CNTNAP3B: variants seen among roughly 807,000 people sequenced by gnomAD.
CNTNAP3B encodes the protein contactin associated protein family member 3B.
Under a neutral mutation model 108.9 loss-of-function variants are expected in CNTNAP3B, and 25 were observed. The observed-to-expected ratio is 0.23, with a 90% CI of 0.17 to 0.32. CNTNAP3B has a LOEUF of 0.32. Among genes scored for constraint, CNTNAP3B ranks in the 10% least tolerant of loss-of-function variants. CNTNAP3B has a pLI of 1.00. For synonymous variants in CNTNAP3B, 103 were observed against 473.4 expected (o/e 0.22, Z 10.16); for missense variants, 252 against 1,210.4 (o/e 0.21, Z 11.75).
intron 1 of CNTNAP3B, among the ~76,000 whole-genome samples, chr9:42,121,184 T>C (rs1828454645): frequency 7.3e-6 from 1 of 137,850 alleles, no homozygotes; most frequent in Non-Finnish European, 1.5e-5. Context: ...GGCACAGCTG[T>C]GAAACACATT....
Position 42,125,492 on chromosome 9 carries a change from A to G in CNTNAP3B, c.85+3518T>C, listed in dbSNP as rs149027068. On this transcript the variant is annotated intron_variant, in intron 1 of 23. Coordinates refer to ENST00000377561, the MANE Select transcript of CNTNAP3B (RefSeq NM_001201380.3). ...GAATGACCTTGGACTGAATTGTTCA[A>G]AAAGAGAAGGGGAAAGGAAGAGGAA... Among the ~76,000 whole-genome samples the G allele has an allele frequency of 1.5e-3, 206 of 140,998 alleles. 22 individuals are homozygous for G. The highest frequency in any genetic ancestry group is 0.011 in the East Asian group (49 of 4,654). The allele number at this position is 140,998 out of a possible 152,430, so 92.5% of individuals were successfully genotyped here.
At chr9:41,955,419 G>A (rs1352416151) in intron 12 of CNTNAP3B, among the ~76,000 whole-genome samples, 1 of 152,290 alleles carries the variant, frequency 6.6e-6, no homozygotes, top group African/African-American at 2.4e-5. Flanking sequence ...ACCCAAAGAA[G>A]GACACAGACC....
chr9:41,933,214 T>A (rs1824034736), intron 14 of CNTNAP3B, among the ~76,000 whole-genome samples: 1 of 151,920 alleles, frequency 6.6e-6, no homozygotes, highest in South Asian at 2.1e-4. Flanking sequence ...TTGGGCTAAT[T>A]TTTTTTTGTC....
chr9:41,928,656 A>C (rs1240511230), intron 15 of CNTNAP3B, among the ~76,000 whole-genome samples: 3 of 152,250 alleles, frequency 2.0e-5, no homozygotes, highest in Admixed American at 2.0e-4. Flanking sequence ...GGAAATAAAA[A>C]TACATTTAGT....
In CNTNAP3B at chr9:41,945,539, T is replaced by G. The variant is rs1824507542; in HGVS notation, c.2081-7139A>C. ...GGACAAAAAACCAAACACTGCATGTTCTCACTCATAGGTGGGAATTGAACA... is the reference window on the plus strand; with the variant it reads ...GGACAAAAAACCAAACACTGCATGTGCTCACTCATAGGTGGGAATTGAACA... On this transcript the variant is annotated intron_variant, in intron 13 of 23. Transcript: ENST00000377561. Among the ~76,000 whole-genome samples the G allele has an allele frequency of 3.3e-5, 5 of 152,428 alleles. No homozygotes were observed. The South Asian group carries it at 1.0e-3, about 32-fold the overall frequency.
chr9:42,057,540 T>C lies in CNTNAP3B; in HGVS notation c.390+19329A>G, dbSNP rs546763998. On this transcript the variant is annotated intron_variant, in intron 3 of 23. Transcript: ENST00000377561. The stretch of plus-strand genomic sequence containing the variant: ...TTTCTAATTGGTAAGACTAACTCCT[T>C]TTTCAATTTCTTGTTGCCAGTTGTA... Among the ~76,000 whole-genome samples the C allele has an allele frequency of 5.7e-3, 722 of 125,952 alleles. 148 individuals carry two copies. Among genetic ancestry groups the C allele is most frequent in the African/African-American group, 0.023 (700 of 30,714 alleles). The allele number at this position is 125,952 out of a possible 152,430, so 82.6% of individuals were successfully genotyped here.
chr9:42,091,967 A>AC (rs1226469280), intron 2 of CNTNAP3B, among the ~76,000 whole-genome samples: 1 of 120,498 alleles, frequency 8.3e-6, no homozygotes, highest in Non-Finnish European at 1.7e-5. Flanking sequence ...AAAAAATCTG[A>AC]CTTTTTTCTG....
At chr9:42,113,126 C>G (rs1463278575) in intron 1 of CNTNAP3B, among the ~76,000 whole-genome samples, 1 of 135,516 alleles carries the variant, frequency 7.4e-6, no homozygotes, top group Non-Finnish European at 1.6e-5. Context: ...AATATAAGAA[C>G]TATTTAAACA....
chr9:41,937,275 C>T (rs1349033442), intron 14 of CNTNAP3B, among the ~76,000 whole-genome samples: 4 of 151,738 alleles, frequency 2.6e-5, no homozygotes, highest in Non-Finnish European at 5.9e-5. Context: ...TACAGGCACA[C>T]ACAGCCACAC....
chr9:41,972,979 C>A (rs1459495141), intron 9 of CNTNAP3B, among the ~76,000 whole-genome samples: 1 of 106,736 alleles, frequency 9.4e-6, no homozygotes, highest in African/African-American at 3.6e-5. Context: ...ATGCTGTCAC[C>A]CAGGCTGCAG....
At chr9:41,924,669 ACACACACACAC>A in intron 15 of CNTNAP3B, among the ~76,000 whole-genome samples, 1 of 151,176 alleles carries the variant, frequency 6.6e-6, no homozygotes, top group Non-Finnish European at 1.5e-5. Flanking sequence ...ACACACACAC[ACACACACACAC>A]ACACACACAC....
intron 18 of CNTNAP3B, among the ~76,000 whole-genome samples, chr9:41,917,058 T>C (rs1217882280): frequency 2.6e-5 from 4 of 152,290 alleles, no homozygotes; most frequent in African/African-American, 4.8e-5. Context: ...AGCTTCTGTA[T>C]CTTAGATTAA....
In CNTNAP3B at chr9:42,127,893, A is replaced by T. The variant is rs1298114624; in HGVS notation, c.85+1117T>A. On this transcript the variant is annotated intron_variant, in intron 1 of 23. Coordinates refer to ENST00000377561, the MANE Select transcript of CNTNAP3B (RefSeq NM_001201380.3). ...TGAGCTACGGCAAACTTTTCATGAC[A>T]GCTTAGGAAAACTGCTGAAAGCTAC... Among the ~76,000 whole-genome samples the T allele has an allele frequency of 3.4e-4, 48 of 139,592 alleles. 14 individuals carry two copies. Among genetic ancestry groups the T allele is most frequent in the African/African-American group, 1.3e-3 (44 of 35,082 alleles). 91.6% of individuals were successfully genotyped at this position (139,592 alleles called of 152,430 possible).
intron 11 of CNTNAP3B, among the ~76,000 whole-genome samples, chr9:41,961,114 A>G (rs2118205451): frequency 6.6e-6 from 1 of 152,428 alleles, no homozygotes; most frequent in South Asian, 2.1e-4. Flanking sequence ...TAGTCAAAAT[A>G]CATTCAAATG....
At chr9:41,956,131 A>G (rs1256648912) in intron 12 of CNTNAP3B, among the ~76,000 whole-genome samples, 2 of 152,262 alleles carry the variant, frequency 1.3e-5, no homozygotes, top group Non-Finnish European at 2.9e-5. Flanking sequence ...TCACGCCTGT[A>G]ATCCCAGCAC....
At chr9:42,071,222 A>T (rs1827371721) in intron 3 of CNTNAP3B, among the ~76,000 whole-genome samples, 1 of 146,174 alleles carries the variant, frequency 6.8e-6, no homozygotes, top group South Asian at 2.1e-4. Context: ...GGGCAGTGGG[A>T]GCTGTGTACG....
At position 41,945,208 on chromosome 9, in the gene CNTNAP3B, C is replaced by T. The variant is rs1182702866; in HGVS notation, c.2081-6808G>A. Among the ~76,000 whole-genome samples the T allele has an allele frequency of 8.8e-4, 134 of 152,006 alleles. No homozygotes were observed. In the South Asian group the frequency reaches 0.018, roughly 20 times the overall value. On this transcript the variant is annotated intron_variant, in intron 13 of 23. Transcript: ENST00000377561. ...TCAACCATTGTGGAAGACAGTGTTG[C>T]GATTCCTCATGGATCTAGAACTAGA...
intron 1 of CNTNAP3B, among the ~76,000 whole-genome samples, chr9:42,128,585 CTG>C (rs1828621045): frequency 7.6e-6 from 1 of 130,966 alleles, no homozygotes; most frequent in African/African-American, 3.2e-5. Flanking sequence ...GTCGGCAAAA[CTG>C]TAAGCTGCTA....
chr9:42,125,354 C>T (rs1388660776), intron 1 of CNTNAP3B, among the ~76,000 whole-genome samples: 1 of 141,270 alleles, frequency 7.1e-6, no homozygotes, highest in Admixed American at 7.0e-5. Context: ...CCTGTCTCTC[C>T]AGGTCCCCAC....
Sources: allele counts gnomAD v4.1 joint callset (sites outside exome capture counted in the v4.1 genomes callset), GRCh38; gene constraint gnomAD v4.1.1; transcripts MANE v1.5; gene names NCBI Gene and HGNC (gene_info 2026-07-23, HGNC 2026-07-21).